The following DAPK1 variants were observed in gnomAD, a reference collection of about 807,000 sequenced individuals.
The protein encoded by DAPK1 is death associated protein kinase 1.
A neutral mutation model predicts 144.9 loss-of-function variants in DAPK1; 56 were observed. The observed-to-expected ratio is 0.39, with a 90% confidence interval of 0.31 to 0.48. The LOEUF (loss-of-function observed/expected upper bound fraction) is 0.48. DAPK1 is among the 20% of genes least tolerant of loss of function. The probability of loss-of-function intolerance (pLI) is 0.95; values close to 1 mark genes in which losing one functional copy is unlikely to be tolerated. For missense variants in DAPK1, 1,454 were observed against 1,875.4 expected (o/e 0.78, Z 4.15); for synonymous variants, 690 against 749.0 (o/e 0.92, Z 1.29).
intron 20 of DAPK1, among the ~76,000 whole-genome samples, chr9:87,683,854 G>T (rs189765744): frequency 7.9e-4 from 121 of 152,322 alleles, no homozygotes; most frequent in African/African-American, 2.8e-3. Context: ...GCTGCTTTCA[G>T]CCCAGCCGTG....
At chr9:87,563,286 G>A (rs1826997582) in intron 2 of DAPK1, among the ~76,000 whole-genome samples, 1 of 152,214 alleles carries the variant, frequency 6.6e-6, no homozygotes, top group Non-Finnish European at 1.5e-5. Flanking sequence ...GAAGAATATG[G>A]GAGTAGCAAT....
chr9:87,690,807 A>G (rs1825030066), intron 21 of DAPK1, among the ~76,000 whole-genome samples: 1 of 152,068 alleles, frequency 6.6e-6, no homozygotes, highest in Non-Finnish European at 1.5e-5. Flanking sequence ...TGTTGAGATT[A>G]TGATATGGCT....
chr9:87,633,280 G>A (rs2119104955), intron 3 of DAPK1: 1 of 984,728 alleles, frequency 1.0e-6, no homozygotes, highest in East Asian at 1.1e-4. Context: ...AGGGATGAAG[G>A]GGGATGGGTA....
At chr9:87,518,111 T>TTTTTTG in intron 2 of DAPK1, among the ~76,000 whole-genome samples, 1 of 131,780 alleles carries the variant, frequency 7.6e-6, no homozygotes, top group African/African-American at 3.5e-5. Context: ...TGTTGTTTTT[T>TTTTTTG]TTTTTTTTTT....
chr9:87,695,902 A>G (rs1390426863), intron 21 of DAPK1, among the ~76,000 whole-genome samples: 1 of 152,174 alleles, frequency 6.6e-6, no homozygotes, highest in East Asian at 1.9e-4. Context: ...CCTCTATGGG[A>G]CTTTGTGAGT....
chr9:87,584,691 T>TGTGTGTG (rs776346621), intron 2 of DAPK1, among the ~76,000 whole-genome samples: 2 of 151,018 alleles, frequency 1.3e-5, no homozygotes, highest in Admixed American at 6.6e-5. Flanking sequence ...TGTGTGTGTG[T>TGTGTGTG]TTGAGATGGA....
At chr9:87,571,760 G>A (rs776077430) in intron 2 of DAPK1, among the ~76,000 whole-genome samples, 11 of 152,192 alleles carry the variant, frequency 7.2e-5, no homozygotes, top group Non-Finnish European at 1.6e-4. Context: ...GAGCTTGGGG[G>A]CCTTTGGAGT....
chr9:87,550,213 G>C (rs1206862437), intron 2 of DAPK1, among the ~76,000 whole-genome samples: 2 of 152,190 alleles, frequency 1.3e-5, no homozygotes, highest in African/African-American at 4.8e-5. Context: ...AAGGAAACCA[G>C]TGTTCTGATT....
At chr9:87,638,190 A>G in intron 4 of DAPK1, 109 bp downstream of exon 4, 1 of 1,192,428 alleles carries the variant, frequency 8.4e-7, no homozygotes, top group Non-Finnish European at 1.2e-6. Flanking sequence ...ATTTTCCTGT[A>G]CCAGTTTAAC....
At chr9:87,635,432 C>T (rs1035426711) in intron 3 of DAPK1, among the ~76,000 whole-genome samples, 2 of 152,086 alleles carry the variant, frequency 1.3e-5, no homozygotes, top group African/African-American at 2.4e-5. Context: ...AAGAGGGCCA[C>T]GGAGAGAAAG....
At chr9:87,535,850 A>G (rs1358598121) in intron 2 of DAPK1, among the ~76,000 whole-genome samples, 3 of 152,240 alleles carry the variant, frequency 2.0e-5, no homozygotes, top group African/African-American at 7.2e-5. Flanking sequence ...GGTGACACAG[A>G]TGTAAACCGG....
At chr9:87,540,898 T>C (rs980463904) in intron 2 of DAPK1, among the ~76,000 whole-genome samples, 2 of 152,176 alleles carry the variant, frequency 1.3e-5, no homozygotes, top group Non-Finnish European at 2.9e-5. Flanking sequence ...GTTTTCTCTT[T>C]CCCCGAGTTC....
chr9:87,516,382 C>T (rs36229273), intron 2 of DAPK1, among the ~76,000 whole-genome samples: 6,998 of 152,158 alleles, frequency 0.046, 565 homozygotes, highest in African/African-American at 0.16. Flanking sequence ...GTGGCAAACA[C>T]GGAGTTTCTG....
intron 19 of DAPK1, among the ~76,000 whole-genome samples, chr9:87,672,429 C>A (rs1283334438): frequency 6.6e-6 from 1 of 152,190 alleles, no homozygotes; most frequent in African/African-American, 2.4e-5. Flanking sequence ...TGCTTTTAAT[C>A]AATGGGCTCG....
At chr9:87,632,731 G>C in intron 3 of DAPK1, 6 of 978,930 alleles carry the variant, frequency 6.1e-6, no homozygotes, top group Non-Finnish European at 7.3e-6. Flanking sequence ...GATGAAGGAG[G>C]GTGAGTATAT....
intron 2 of DAPK1, among the ~76,000 whole-genome samples, chr9:87,581,109 AATC>A (rs1827740169): frequency 6.6e-6 from 1 of 151,084 alleles, no homozygotes; most frequent in Non-Finnish European, 1.5e-5. Flanking sequence ...CCACTTTCAA[AATC>A]ATCATGTAAA....
chr9:87,561,522 T>C (rs1826924832), intron 2 of DAPK1, among the ~76,000 whole-genome samples: 1 of 105,224 alleles, frequency 9.5e-6, no homozygotes, highest in Non-Finnish European at 2.0e-5. Flanking sequence ...CGAGACTCCG[T>C]CTCAAAAGAA....
chr9:87,533,398 G>A (rs1364251731), intron 2 of DAPK1, among the ~76,000 whole-genome samples: 1 of 152,184 alleles, frequency 6.6e-6, no homozygotes, highest in Non-Finnish European at 1.5e-5. Flanking sequence ...GCAGGAGAAG[G>A]AGTGTTCATG....
intron 2 of DAPK1, among the ~76,000 whole-genome samples, chr9:87,525,800 C>T (rs1017807924): frequency 2.0e-5 from 3 of 152,216 alleles, no homozygotes; most frequent in Non-Finnish European, 4.4e-5. Context: ...TTAATTTCCC[C>T]TCCCTCTTGC....
Sources: allele counts gnomAD v4.1 joint callset (sites outside exome capture counted in the v4.1 genomes callset), GRCh38; gene constraint gnomAD v4.1.1; transcripts MANE v1.5; gene names NCBI Gene and HGNC (gene_info 2026-07-23, HGNC 2026-07-21).